Variants in GSE1 observed in about 807,000 individuals in gnomAD.
GSE1 encodes Gse1 coiled-coil protein.
Under a neutral mutation model 112.6 loss-of-function variants are expected in GSE1, and 32 were observed. The ratio of observed to expected loss-of-function variants is 0.28; its 90% CI spans 0.21 to 0.38. The LOEUF (loss-of-function observed/expected upper bound fraction) is 0.38. Among genes scored for constraint, GSE1 ranks in the 10% least tolerant of loss-of-function variants. The probability of loss-of-function intolerance (pLI) is 1.00; values close to 1 mark genes in which losing one functional copy is unlikely to be tolerated. For synonymous variants in GSE1, 1,115 were observed against 735.6 expected, an observed-to-expected ratio of 1.52 and a Z score of -8.35; for missense variants, 2,348 against 1,699.2, an observed-to-expected ratio of 1.38 and a Z score of -6.71.
At chr16:85,551,043 G>T (rs545253579), upstream of GSE1, among the ~76,000 whole-genome samples, 1 of 152,168 alleles carries the variant, frequency 6.6e-6, no homozygotes, top group Non-Finnish European at 1.5e-5. Flanking sequence ...TTTCAGGGAG[G>T]TGCGGGGTGA....
At chr16:85,404,116 T>C (rs62050360) in intron 2 of GSE1, among the ~76,000 whole-genome samples, 10,866 of 95,528 alleles carry the variant, frequency 0.11, 864 homozygotes, top group African/African-American at 0.14. Flanking sequence ...TAATCCTCAC[T>C]GTTACACTCA....
intron 2 of GSE1, among the ~76,000 whole-genome samples, chr16:85,431,224 C>G (rs2049113300): frequency 6.6e-6 from 1 of 152,168 alleles, no homozygotes. Flanking sequence ...GCCAGAGACC[C>G]AAGGAGGGAA....
chr16:85,617,067 G>A (rs947193193), intron 1 of GSE1, among the ~76,000 whole-genome samples: 3 of 152,158 alleles, frequency 2.0e-5, no homozygotes, highest in South Asian at 2.1e-4. Context: ...CCACTCCTGC[G>A]TTTGGCCACG....
At chr16:85,591,455 C>T (rs1221922658) in intron 1 of GSE1, among the ~76,000 whole-genome samples, 2 of 152,368 alleles carry the variant, frequency 1.3e-5, no homozygotes, top group Admixed American at 6.5e-5. Flanking sequence ...CTCCCAGATG[C>T]GGATGGAGCC....
At chr16:85,399,692 G>C (rs895964910) in intron 2 of GSE1, among the ~76,000 whole-genome samples, 2 of 152,214 alleles carry the variant, frequency 1.3e-5, no homozygotes, top group Non-Finnish European at 2.9e-5. Flanking sequence ...TGCCGTAGGC[G>C]TGGGGGATGC....
intron 2 of GSE1, among the ~76,000 whole-genome samples, chr16:85,495,881 T>G (rs1313866331): frequency 1.3e-5 from 2 of 152,110 alleles, no homozygotes; most frequent in Non-Finnish European, 2.9e-5. Context: ...GAGGCTGAGT[T>G]TGAGGCCTGC....
At chr16:85,368,120 C>T (rs1567715731) in intron 2 of GSE1, among the ~76,000 whole-genome samples, 1 of 152,170 alleles carries the variant, frequency 6.6e-6, no homozygotes, top group African/African-American at 2.4e-5. Flanking sequence ...TCCCAAAGTG[C>T]TGGGATTACA....
intron 2 of GSE1, chr16:85,359,446 C>G (rs1476992820): frequency 2.2e-5 from 10 of 455,802 alleles, no homozygotes; most frequent in Admixed American, 1.9e-4. Flanking sequence ...AGCAGGCCCA[C>G]CCACTTCTTA....
At chr16:85,315,298 G>T (rs868247649) in intron 1 of GSE1, among the ~76,000 whole-genome samples, 3 of 152,162 alleles carry the variant, frequency 2.0e-5, no homozygotes, top group African/African-American at 4.8e-5. Flanking sequence ...CCTGCAGTCC[G>T]GTCTCACTTG....
intron 1 of GSE1, among the ~76,000 whole-genome samples, chr16:85,355,696 T>C (rs1340979918): frequency 6.6e-6 from 1 of 152,166 alleles, no homozygotes; most frequent in Non-Finnish European, 1.5e-5. Context: ...GTAAATTTTG[T>C]GTTCGGTATA....
At chr16:85,222,204 C>T (rs988423934) in intron 1 of GSE1, among the ~76,000 whole-genome samples, 7 of 152,210 alleles carry the variant, frequency 4.6e-5, no homozygotes, top group African/African-American at 1.4e-4. Context: ...GTGTAGAGGC[C>T]AGCCTCTCCC....
chr16:85,377,116 G>A (rs1251455586), intron 2 of GSE1, among the ~76,000 whole-genome samples: 1 of 152,252 alleles, frequency 6.6e-6, no homozygotes, highest in African/African-American at 2.4e-5. Flanking sequence ...TGCCGTGTGT[G>A]CACAGTTGTG....
At chr16:85,668,572 TC>T (rs1305356618) in intron 14 of GSE1, 148 bp downstream of exon 14, 1 of 633,790 alleles carries the variant, frequency 1.6e-6, no homozygotes, top group African/African-American at 1.8e-5. Context: ...GGAAGTTTCT[TC>T]CGGCTTCTGG....
intron 14 of GSE1, 38 bp from the exon 15 acceptor site, chr16:85,670,957 G>A: frequency 7.6e-7 from 1 of 1,315,062 alleles, no homozygotes. Flanking sequence ...TCGGGCTCCT[G>A]CATACGGAAA....
chr16:85,550,637 G>A (rs1052176594), intron 2 of GSE1, among the ~76,000 whole-genome samples: 6 of 152,130 alleles, frequency 3.9e-5, no homozygotes, highest in Admixed American at 6.5e-5. Flanking sequence ...GCTCCCAGCC[G>A]AGGCACCCCG....
rs1472895120 is a variant in GSE1, at chr16:85,674,488, A to AAACT, written c.*1951_*1954dup. On this transcript the variant is annotated 3_prime_UTR_variant, in exon 16 of 16. Coordinates refer to ENST00000253458, the MANE Select transcript of GSE1 (RefSeq NM_014615.5). ...CAGGTGTTCAGAGGGAGTCTGCTAC[A>AAACT]AACTATCAGGGCAAAATCTCACTGG... is the stretch of plus-strand genomic sequence containing the variant. 1.3e-5 allele frequency: 2 copies of AAACT among 152,220 alleles called. No homozygotes were observed. Among genetic ancestry groups the AAACT allele is most frequent in the African/African-American group, 4.8e-5 (2 of 41,442 alleles). The allele number at this position is 152,220 out of a possible 1,614,324, so 9.4% of individuals were successfully genotyped here.
chr16:85,633,433 T>A (rs1461637360), intron 1 of GSE1, among the ~76,000 whole-genome samples: 1 of 152,232 alleles, frequency 6.6e-6, no homozygotes, highest in Non-Finnish European at 1.5e-5. Flanking sequence ...GTGCCTGGCA[T>A]CGTGTGCTTG....
At chr16:85,201,866 T>C (rs185360963) in intron 1 of GSE1, among the ~76,000 whole-genome samples, 27 of 152,342 alleles carry the variant, frequency 1.8e-4, no homozygotes, top group Non-Finnish European at 3.2e-4. Flanking sequence ...TTTTTGTTTT[T>C]TAGTTTTTCA....
intron 2 of GSE1, among the ~76,000 whole-genome samples, chr16:85,376,016 C>T (rs2047412589): frequency 6.6e-6 from 1 of 152,214 alleles, no homozygotes; most frequent in Non-Finnish European, 1.5e-5. Flanking sequence ...CACAGGGAAC[C>T]AGACCCCACA....
Sources: gnomAD v4.1 joint callset for allele counts (sites outside exome capture counted in the v4.1 genomes callset) on GRCh38, gnomAD v4.1.1 for gene constraint, MANE v1.5 for transcripts, NCBI Gene and HGNC (gene_info 2026-07-23, HGNC 2026-07-21) for gene names.